FAM133B: variants seen among roughly 807,000 people sequenced by gnomAD.
FAM133B encodes the protein protein FAM133B.
A neutral mutation model predicts 46.4 loss-of-function variants in FAM133B; 25 were observed. The ratio of observed to expected loss-of-function variants is 0.54; its 90% CI spans 0.39 to 0.75. FAM133B has a LOEUF of 0.75. Ranked by LOEUF, FAM133B falls within the 30% of genes least tolerant of loss-of-function variation. FAM133B has a pLI of 0.00. For synonymous variants in FAM133B, 75 were observed against 86.0 expected (o/e 0.87, Z 0.71); for missense variants, 205 against 277.6 (o/e 0.74, Z 1.86).
intron 8 of FAM133B, among the ~76,000 whole-genome samples, chr7:92,574,056 G>A (rs915888036): frequency 6.6e-6 from 1 of 152,052 alleles, no homozygotes; most frequent in South Asian, 2.1e-4. Context: ...TTTGCAAATT[G>A]TTATGTAAAC....
chr7:92,570,842 A>G (rs936591808), intron 8 of FAM133B, among the ~76,000 whole-genome samples: 8 of 152,198 alleles, frequency 5.3e-5, no homozygotes, highest in Admixed American at 2.0e-4. Context: ...TTAAATGTTA[A>G]CTGTAAGAAA....
intron 10 of FAM133B, 53 bp from the exon 11 acceptor site, chr7:92,562,421 A>T: frequency 6.6e-7 from 1 of 1,508,032 alleles, no homozygotes; most frequent in Non-Finnish European, 8.8e-7. Context: ...CGCAAATTAA[A>T]AGCATCTTTA....
At chr7:92,571,151 T>C (rs1020871680) in intron 8 of FAM133B, among the ~76,000 whole-genome samples, 1 of 152,192 alleles carries the variant, frequency 6.6e-6, no homozygotes, top group African/African-American at 2.4e-5. Flanking sequence ...TAACGATGAC[T>C]AAATCAAAGA....
chr7:92,582,451 G>A (rs1794915230), intron 1 of FAM133B, among the ~76,000 whole-genome samples: 1 of 152,014 alleles, frequency 6.6e-6, no homozygotes, highest in South Asian at 2.1e-4. Context: ...TTCATAAATA[G>A]TTAACATCAA....
chr7:92,586,276 AT>A (rs1391107042), intron 1 of FAM133B, among the ~76,000 whole-genome samples: 1 of 152,014 alleles, frequency 6.6e-6, no homozygotes, highest in African/African-American at 2.4e-5. Flanking sequence ...TAATAGCAAT[AT>A]TTTTTAAAGT....
chr7:92,574,204 C>T (rs1001596312), intron 8 of FAM133B, among the ~76,000 whole-genome samples: 2 of 152,030 alleles, frequency 1.3e-5, no homozygotes, highest in Admixed American at 6.6e-5. Context: ...GAATGGATGG[C>T]GAAATCCGCC....
intron 9 of FAM133B, 122 bp downstream of exon 9, chr7:92,569,701 G>A (rs1794472040): frequency 2.1e-6 from 1 of 466,766 alleles, no homozygotes; most frequent in Non-Finnish European, 3.7e-6. Context: ...CTTTCATTTT[G>A]TTTTTTCATA....
chr7:92,580,069 GAAGCTGGAATTTTTTTTA>G (rs1253917756), intron 2 of FAM133B, among the ~76,000 whole-genome samples: 1 of 151,982 alleles, frequency 6.6e-6, no homozygotes, highest in Non-Finnish European at 1.5e-5. Flanking sequence ...TTCCTTCTGG[GAAGCTGGAATTTTTTTTA>G]AAAAGAGACA....
chr7:92,563,594 A>G (rs1405988123), intron 10 of FAM133B, among the ~76,000 whole-genome samples: 3 of 152,162 alleles, frequency 2.0e-5, no homozygotes, highest in Non-Finnish European at 2.9e-5. Flanking sequence ...AAAACCAATG[A>G]TGCCCAAATC....
intron 1 of FAM133B, chr7:92,590,004 G>A: frequency 1.8e-6 from 1 of 565,240 alleles, no homozygotes; most frequent in East Asian, 3.1e-5. Context: ...CGTACAGCAG[G>A]CAAGAGTGCA....
chr7:92,583,104 C>T (rs1159638093), intron 1 of FAM133B, among the ~76,000 whole-genome samples: 1 of 152,016 alleles, frequency 6.6e-6, no homozygotes, highest in Non-Finnish European at 1.5e-5. Flanking sequence ...AATGGATAAA[C>T]AAAACTGTGG....
In FAM133B at chr7:92,590,337, G is replaced by GGAGAGACTGCCGAA; in HGVS notation, c.-60_-47dup. The GGAGAGACTGCCGAA allele has an allele frequency of 6.2e-7, 1 of 1,612,746 alleles. No individual in the cohort carries two copies. The highest frequency in any genetic ancestry group is 8.5e-7 in the Non-Finnish European group (1 of 1,179,446). ...GTAGCACGCCGAGGGAAACCGGGCCGGAGAGACTGCCGAAGAGGGCCTGCC... is the reference window on the plus strand; with the variant it reads ...GTAGCACGCCGAGGGAAACCGGGCCGGAGAGACTGCCGAAGAGAGACTGCCGAAGAGGGCCTGCC... On this transcript the variant is annotated 5_prime_UTR_variant, in exon 1 of 11. Transcript: ENST00000445716.
At chr7:92,577,981 T>C in intron 5 of FAM133B, 169 bp downstream of exon 5, 1 of 698,478 alleles carries the variant, frequency 1.4e-6, no homozygotes. Context: ...GGCACCGTTT[T>C]TTATGTCAGT....
intron 8 of FAM133B, among the ~76,000 whole-genome samples, chr7:92,572,169 A>G (rs112853830): frequency 0.033 from 4,995 of 152,338 alleles, 106 homozygotes; most frequent in Non-Finnish European, 0.043. Context: ...AAAATGGGCA[A>G]AGACTATGAA....
rs150011857 is a variant in FAM133B, at chr7:92,577,962, A to G, written c.309+188T>C. ...AGCAACAGAAAATGTACTACGTTAT[A>G]AGGTGGTTGGCACCGTTTTTTATGT... On this transcript the variant is annotated intron_variant, in intron 5 of 10. Coordinates refer to ENST00000445716, the MANE Select transcript of FAM133B (RefSeq NM_152789.4). The G allele has an allele frequency of 7.5e-5, 50 of 664,676 alleles. No individual in the cohort carries two copies. The East Asian group carries it at 1.3e-3, about 18-fold the overall frequency. 41.2% of individuals were successfully genotyped at this position (664,676 alleles called of 1,614,324 possible). A position where few individuals can be genotyped will look rare whatever the true frequency, so the allele number is the denominator to read the frequency against.
intron 8 of FAM133B, among the ~76,000 whole-genome samples, chr7:92,573,309 C>T (rs1794593196): frequency 6.6e-6 from 1 of 151,702 alleles, no homozygotes; most frequent in Admixed American, 6.6e-5. Context: ...CTAGGACTAC[C>T]ACACCTGGCT....
intron 7 of FAM133B, among the ~76,000 whole-genome samples, chr7:92,576,762 T>C (rs1042505035): frequency 2.6e-5 from 4 of 152,214 alleles, no homozygotes; most frequent in African/African-American, 7.2e-5. Flanking sequence ...AGAAAGGACA[T>C]TGGACCAGAT....
chr7:92,575,565 T>C (rs980155745), intron 8 of FAM133B, among the ~76,000 whole-genome samples: 1 of 152,264 alleles, frequency 6.6e-6, no homozygotes, highest in African/African-American at 2.4e-5. Flanking sequence ...CATTAATCTA[T>C]ATAAATTCAA....
At chr7:92,581,639 A>G (rs1456875884) in intron 1 of FAM133B, 36 bp from the exon 2 acceptor site, 1 of 1,534,900 alleles carries the variant, frequency 6.5e-7, no homozygotes, top group Non-Finnish European at 9.0e-7. Flanking sequence ...CATTAAAGCA[A>G]TCATTAAACA....
Sources: allele counts gnomAD v4.1 joint callset (sites outside exome capture counted in the v4.1 genomes callset), GRCh38; gene constraint gnomAD v4.1.1; transcripts MANE v1.5; gene names NCBI Gene and HGNC (gene_info 2026-07-23, HGNC 2026-07-21).